The following MARCHF4 variants were observed in gnomAD, a reference collection of about 807,000 sequenced individuals.
The protein encoded by MARCHF4 is membrane associated ring-CH-type finger 4.
A neutral mutation model predicts 43.9 loss-of-function variants in MARCHF4; 14 were observed. The ratio of observed to expected loss-of-function variants is 0.32; its 90% CI spans 0.21 to 0.50. The LOEUF (loss-of-function observed/expected upper bound fraction) is 0.50, where lower values mean the gene tolerates loss of function less well. MARCHF4 is among the 20% of genes least tolerant of loss of function. The probability of loss-of-function intolerance (pLI) is 0.98; values close to 1 mark genes in which losing one functional copy is unlikely to be tolerated. For synonymous variants in MARCHF4, 226 were observed against 213.3 expected (o/e 1.06, Z -0.52); for missense variants, 468 against 536.7 (o/e 0.87, Z 1.27).
intron 1 of MARCHF4, among the ~76,000 whole-genome samples, chr2:216,308,375 G>C (rs1691624303): frequency 2.0e-5 from 3 of 152,300 alleles, no homozygotes; most frequent in Admixed American, 6.5e-5. Flanking sequence ...CTGCACTCCA[G>C]CCTGGGCAAC....
intron 3 of MARCHF4, 84 bp downstream of exon 3, chr2:216,277,588 C>A: frequency 7.1e-7 from 1 of 1,410,776 alleles, no homozygotes; most frequent in Non-Finnish European, 9.6e-7. Context: ...CTTCAGCCTC[C>A]CACAGTGGGG....
chr2:216,302,217 C>A lies in MARCHF4; in HGVS notation c.517-18488G>T, dbSNP rs571269250. Among the ~76,000 whole-genome samples, 308 of 151,462 alleles carry A rather than the reference C, an allele frequency of 2.0e-3. 2 individuals are homozygous for A. Among genetic ancestry groups the A allele is most frequent in the African/African-American group, 7.3e-3 (304 of 41,362 alleles). ...TATTGTGCATTTTGATATTTATTTT[C>A]AAAAAAAAATTTTTTTTTTGAGACG... On this transcript the variant is annotated intron_variant, in intron 1 of 3. Transcript: ENST00000273067.
intron 1 of MARCHF4, among the ~76,000 whole-genome samples, chr2:216,330,565 A>G (rs1692069022): frequency 6.6e-6 from 1 of 152,202 alleles, no homozygotes; most frequent in South Asian, 2.1e-4. Context: ...CAAAAGTATT[A>G]ATACATTCTT....
At chr2:216,343,185 A>G (rs1021955379) in intron 1 of MARCHF4, among the ~76,000 whole-genome samples, 2 of 152,172 alleles carry the variant, frequency 1.3e-5, no homozygotes, top group African/African-American at 4.8e-5. Context: ...CTAGTGGGGT[A>G]TCTGTCTTAG....
At chr2:216,347,815 C>T in intron 1 of MARCHF4, among the ~76,000 whole-genome samples, 1 of 138,406 alleles carries the variant, frequency 7.2e-6, no homozygotes, top group East Asian at 2.2e-4. Flanking sequence ...GGGGATTAGG[C>T]ACAGGGTTCT....
intron 1 of MARCHF4, among the ~76,000 whole-genome samples, chr2:216,340,198 C>T (rs761317088): frequency 6.6e-6 from 1 of 152,202 alleles, no homozygotes; most frequent in African/African-American, 2.4e-5. Context: ...TGCCAGATTC[C>T]TTTTACAGCC....
intron 1 of MARCHF4, among the ~76,000 whole-genome samples, chr2:216,364,574 C>A (rs997923942): frequency 6.6e-6 from 1 of 152,222 alleles, no homozygotes; most frequent in Non-Finnish European, 1.5e-5. Context: ...GTCCAGACAG[C>A]CATGAACTTG....
intron 1 of MARCHF4, among the ~76,000 whole-genome samples, chr2:216,323,183 AG>A (rs746077923): frequency 2.0e-5 from 3 of 152,108 alleles, no homozygotes; most frequent in Non-Finnish European, 2.9e-5. Context: ...AACCTCCTTA[AG>A]CTTATAGTAA....
chr2:216,344,426 A>G (rs1692282921), intron 1 of MARCHF4, among the ~76,000 whole-genome samples: 1 of 152,112 alleles, frequency 6.6e-6, no homozygotes, highest in South Asian at 2.1e-4. Flanking sequence ...GAAGGGCCCA[A>G]AGTTTGGCTA....
At chr2:216,278,378 C>T (rs1387318694) in intron 2 of MARCHF4, among the ~76,000 whole-genome samples, 1 of 152,110 alleles carries the variant, frequency 6.6e-6, no homozygotes, top group African/African-American at 2.4e-5. Context: ...CACCCAACAC[C>T]ATGCGTGGCT....
chr2:216,361,867 T>G (rs1692588482), intron 1 of MARCHF4, among the ~76,000 whole-genome samples: 1 of 152,176 alleles, frequency 6.6e-6, no homozygotes, highest in Non-Finnish European at 1.5e-5. Context: ...TGAGACACAC[T>G]GGTGGGATGG....
At chr2:216,317,438 G>A (rs558700647) in intron 1 of MARCHF4, among the ~76,000 whole-genome samples, 1 of 152,184 alleles carries the variant, frequency 6.6e-6, no homozygotes, top group South Asian at 2.1e-4. Flanking sequence ...TTTAGAAACA[G>A]GGTCTCACTC....
intron 1 of MARCHF4, among the ~76,000 whole-genome samples, chr2:216,337,856 C>T (rs1015273937): frequency 6.6e-6 from 1 of 152,148 alleles, no homozygotes; most frequent in African/African-American, 2.4e-5. Context: ...CATCCTCTAA[C>T]TGTTGAGTGG....
intron 1 of MARCHF4, among the ~76,000 whole-genome samples, chr2:216,320,435 T>G (rs1459120601): frequency 6.6e-6 from 1 of 152,166 alleles, no homozygotes; most frequent in African/African-American, 2.4e-5. Context: ...ATTTACAGAT[T>G]GAAGCAACTG....
At chr2:216,276,163 G>A (rs1691018596) in intron 3 of MARCHF4, among the ~76,000 whole-genome samples, 1 of 152,252 alleles carries the variant, frequency 6.6e-6, no homozygotes, top group Non-Finnish European at 1.5e-5. Context: ...ACACATCAGA[G>A]ACTGATCTAA....
chr2:216,320,663 C>CTT (rs1182007926), intron 1 of MARCHF4, among the ~76,000 whole-genome samples: 1 of 96,922 alleles, frequency 1.0e-5, no homozygotes, highest in African/African-American at 4.9e-5. Flanking sequence ...TTCTTTCTTT[C>CTT]TTTCTTTCTT....
At chr2:216,354,908 TTTCTTTCTTTCTTTCTTTCTTTCTTTC>T (rs1692463071) in intron 1 of MARCHF4, among the ~76,000 whole-genome samples, 1 of 74,108 alleles carries the variant, frequency 1.3e-5, no homozygotes, top group South Asian at 6.0e-4. Context: ...TCTTTCTTTC[TTTCTTTCTTTCTTTCTTTCTTTCTTTC>T]TTTCTTTCTT....
chr2:216,356,132 G>A (rs1028433458), intron 1 of MARCHF4, among the ~76,000 whole-genome samples: 5 of 152,210 alleles, frequency 3.3e-5, no homozygotes, highest in African/African-American at 7.2e-5. Context: ...TTCAGTGTGC[G>A]AAGGCACTTT....
intron 3 of MARCHF4, among the ~76,000 whole-genome samples, chr2:216,263,493 A>AAGAGAGAGAGAGAGAGAGAG (rs150783185): frequency 1.0e-4 from 6 of 58,872 alleles, no homozygotes; most frequent in African/African-American, 2.3e-4. Flanking sequence ...AGGAGAGAGA[A>AAGAGAGAGAGAGAGAGAGAG]AGAGAGAGAG....
Sources: allele counts gnomAD v4.1 joint callset (sites outside exome capture counted in the v4.1 genomes callset), GRCh38; gene constraint gnomAD v4.1.1; transcripts MANE v1.5; gene names NCBI Gene and HGNC (gene_info 2026-07-23, HGNC 2026-07-21).